Variants in CFAP43 observed in about 807,000 individuals in gnomAD.
CFAP43 encodes the protein cilia and flagella associated protein 43.
In CFAP43, 155 loss-of-function variants were observed where a neutral mutation model predicts 218.9. The observed-to-expected ratio is 0.71, with a 90% confidence interval of 0.62 to 0.81. The LOEUF (loss-of-function observed/expected upper bound fraction) is 0.81, where lower values mean the gene tolerates loss of function less well. CFAP43 is among the 30% of genes least tolerant of loss of function. The probability of loss-of-function intolerance (pLI) is 0.00; values close to 1 mark genes in which losing one functional copy is unlikely to be tolerated. For synonymous variants in CFAP43, 645 were observed against 681.3 expected (o/e 0.95, Z 0.83); for missense variants, 1,778 against 1,954.3 (o/e 0.91, Z 1.70).
intron 25 of CFAP43, 121 bp downstream of exon 25, chr10:104,162,196 A>G (rs1324839167): frequency 1.4e-5 from 17 of 1,216,482 alleles, no homozygotes; most frequent in African/African-American, 6.0e-5. Flanking sequence ...AAGGAGGCCA[A>G]CTGAGATTCA....
rs891873203 is a variant in CFAP43, at chr10:104,182,512, G to A, written c.2143C>T (p.Arg715Ter). The A allele has an allele frequency of 1.7e-5, 26 of 1,568,030 alleles. No individual in the cohort carries two copies. Among genetic ancestry groups the A allele is most frequent in the African/African-American group, 1.1e-4 (8 of 71,876 alleles). Residue 715 changes from arginine to a stop codon, truncating the protein, a stop_gained and splice_region_variant, in exon 17 of 38, where the codon CGA (arginine) becomes TGA (stop). Coordinates refer to ENST00000357060, the MANE Select transcript of CFAP43 (RefSeq NM_025145.7). LOFTEE classifies it high-confidence loss of function. The part of the protein sequence containing the change: ...DGTLVYLKWK[R>*]FGGHLASEIL... ...TCACTGGCTAGGTGTCCTCCAAATC[G>A]CCTATATTAATAAAAAAGAAAACAC...
intron 16 of CFAP43, among the ~76,000 whole-genome samples, chr10:104,184,157 T>A (rs1287336633): frequency 1.3e-5 from 2 of 152,202 alleles, no homozygotes; most frequent in African/African-American, 4.8e-5. Flanking sequence ...TTGTTTCTAG[T>A]CTCACAGGCT....
In CFAP43 at chr10:104,232,173, A is replaced by G. The variant is rs1290252129; in HGVS notation, c.65+9T>C. ...ACCCAGATCGGTCGCGGGGCCGTGA[A>G]CACCGCACCTCACGGACAAGGACGC... On this transcript the variant is annotated intron_variant, in intron 1 of 37. Transcript: ENST00000357060. 6.2e-7 allele frequency: 1 copy of G among 1,607,762 alleles called. No individual in the cohort carries two copies. The highest frequency in any genetic ancestry group is 8.5e-7 in the Non-Finnish European group (1 of 1,177,628).
rs938708364 is a variant in CFAP43, at chr10:104,232,347, T to G, written c.-101A>C. 3.8e-5 allele frequency: 46 copies of G among 1,204,358 alleles called. No homozygotes were observed. The highest frequency in any genetic ancestry group is 4.6e-5 in the Non-Finnish European group (41 of 887,860). 74.6% of individuals were successfully genotyped at this position (1,204,358 alleles called of 1,614,324 possible). A position where few individuals can be genotyped will look rare whatever the true frequency, so the allele number is the denominator to read the frequency against. Reference sequence around the variant, plus strand: ...GCGGGGCTGCGGGCCGCGACGCCGCTGCTGTGTACACCCGTATCCCGGAGA... The same window carrying G: ...GCGGGGCTGCGGGCCGCGACGCCGCGGCTGTGTACACCCGTATCCCGGAGA... On this transcript the variant is annotated 5_prime_UTR_variant, in exon 1 of 38. Transcript: ENST00000357060.
Position 104,130,308 on chromosome 10 carries a change from A to G in CFAP43, c.4832-3T>C, listed in dbSNP as rs750356822. 3 of 1,601,176 alleles carry G rather than the reference A, an allele frequency of 1.9e-6. No homozygotes were observed. Among genetic ancestry groups the G allele is most frequent in the South Asian group, 1.1e-5 (1 of 87,888 alleles). ...CTTTTCACAAGTCAGTTTAGACCCT[A>G]TCCCAAAAATGAATAAAGGAATTCG... On this transcript the variant is annotated splice_polypyrimidine_tract_variant and splice_region_variant and intron_variant, in intron 37 of 37. Transcript: ENST00000357060.
chr10:104,218,986 G>C, intron 3 of CFAP43: 1 of 389,834 alleles, frequency 2.6e-6, no homozygotes, highest in South Asian at 1.9e-5. Context: ...ACACATGTTG[G>C]TGATTTGGGT....
At chr10:104,132,225 A>T (rs1292526322) in intron 35 of CFAP43, 29 bp from the exon 36 acceptor site, 4 of 1,476,830 alleles carry the variant, frequency 2.7e-6, no homozygotes, top group Non-Finnish European at 3.7e-6. Context: ...ACATGTAAGG[A>T]TATTTTTCTC....
At chr10:104,149,550 C>T (rs944841524) in intron 28 of CFAP43, among the ~76,000 whole-genome samples, 1 of 152,290 alleles carries the variant, frequency 6.6e-6, no homozygotes, top group East Asian at 1.9e-4. Context: ...ATTGGCACTT[C>T]TCTTTTTAAA....
intron 32 of CFAP43, among the ~76,000 whole-genome samples, chr10:104,142,798 C>T (rs962880498): frequency 6.6e-6 from 1 of 152,064 alleles, no homozygotes; most frequent in Non-Finnish European, 1.5e-5. Context: ...AATAAAGACC[C>T]TCTTAAATTT....
At chr10:104,152,767 T>A in intron 27 of CFAP43, 41 bp from the exon 28 acceptor site, 1 of 1,581,434 alleles carries the variant, frequency 6.3e-7, no homozygotes, top group Non-Finnish European at 8.5e-7. Context: ...TTAAGAGTAT[T>A]AAAGGCTCCT....
At chr10:104,205,753 T>C (rs11599497) in intron 7 of CFAP43, among the ~76,000 whole-genome samples, 40,023 of 152,098 alleles carry the variant, frequency 0.26, 5,578 homozygotes, top group Middle Eastern at 0.34. Flanking sequence ...CAGTAATATA[T>C]GGTAGTTCAT....
In CFAP43 at chr10:104,212,229, G is replaced by C; in HGVS notation, c.585-72C>G. On this transcript the variant is annotated intron_variant, in intron 4 of 37. Transcript: ENST00000357060. Reference sequence around the variant, plus strand: ...TTATTGATGCAACCACTGCATATCAGTTTAAGTGAGGTGGGGAGGTATTAT... The same window carrying C: ...TTATTGATGCAACCACTGCATATCACTTTAAGTGAGGTGGGGAGGTATTAT... 2.1e-6 allele frequency: 3 copies of C among 1,452,192 alleles called. No individual in the cohort carries two copies. In the South Asian group the frequency reaches 4.2e-5, roughly 20 times the overall value. The allele number at this position is 1,452,192 out of a possible 1,614,324, so 90.0% of individuals were successfully genotyped here.
At chr10:104,179,155 CAGAGAGAGAGAGAG>C (rs60561340) in intron 18 of CFAP43, 49 bp from the exon 19 acceptor site, 4 of 1,066,686 alleles carry the variant, frequency 3.7e-6, no homozygotes, top group Non-Finnish European at 5.5e-6. Context: ...AAATATCAGA[CAGAGAGAGAGAGAG>C]AGAGAGAGAG....
intron 17 of CFAP43, among the ~76,000 whole-genome samples, chr10:104,181,413 C>T (rs1289105357): frequency 6.6e-6 from 1 of 152,186 alleles, no homozygotes; most frequent in Non-Finnish European, 1.5e-5. Context: ...GCTTCTGATC[C>T]TTCTTATCAC....
At chr10:104,216,806 C>T (rs572811850) in intron 3 of CFAP43, among the ~76,000 whole-genome samples, 54 of 152,172 alleles carry the variant, frequency 3.5e-4, no homozygotes, top group African/African-American at 1.1e-3. Context: ...CTCTCCTGCC[C>T]TGGGATCACA....
At chr10:104,145,980 A>C (rs1448963748) in intron 30 of CFAP43, among the ~76,000 whole-genome samples, 1 of 152,184 alleles carries the variant, frequency 6.6e-6, no homozygotes, top group African/African-American at 2.4e-5. Context: ...TTCATGGCCA[A>C]GTAATGGGGT....
chr10:104,225,521 C>G lies in CFAP43; in HGVS notation c.356G>C (p.Ser119Thr). 1 of 1,612,758 alleles carries G rather than the reference C, an allele frequency of 6.2e-7. No individual in the cohort carries two copies. Among genetic ancestry groups the G allele is most frequent in the Non-Finnish European group, 8.5e-7 (1 of 1,179,258 alleles). The change falls in exon 3 of 38, where the codon AGT becomes ACT. Residue 119 changes from serine to threonine, a missense_variant. By Grantham distance (58) the Ser-to-Thr change is moderately conservative. This residue lies in a region of CFAP43 where 1,553 missense variants were observed against 1,685.2 expected (regional missense o/e 0.92). Coordinates refer to ENST00000357060, the MANE Select transcript of CFAP43 (RefSeq NM_025145.7). ...ILLDYTLLSF[S>T]YCGTYLASYS... ...ACTAGCCAGGTAGGTGCCACAGTAACTGAATGAAAGTAAAGTGTAGTCCAG... is the reference window on the plus strand; with the variant it reads ...ACTAGCCAGGTAGGTGCCACAGTAAGTGAATGAAAGTAAAGTGTAGTCCAG...
At chr10:104,225,592 T>C (rs1336069153) in intron 2 of CFAP43, 35 bp from the exon 3 acceptor site, 2 of 1,547,368 alleles carry the variant, frequency 1.3e-6, no homozygotes, top group East Asian at 4.7e-5. Flanking sequence ...GATTTGATTA[T>C]GTTAAGACCA....
chr10:104,203,847 T>C, intron 7 of CFAP43, 44 bp from the exon 8 acceptor site: 1 of 1,536,626 alleles, frequency 6.5e-7, no homozygotes, highest in Non-Finnish European at 8.7e-7. Flanking sequence ...TCTTAGTCAA[T>C]GCATAGTATA....
Sources: allele counts gnomAD v4.1 joint callset (sites outside exome capture counted in the v4.1 genomes callset), GRCh38; gene constraint gnomAD v4.1.1; regional missense constraint gnomAD v4.1.1; transcripts MANE v1.5; gene names NCBI Gene and HGNC (gene_info 2026-07-23, HGNC 2026-07-21).